The following MYO18B variants were observed in gnomAD, a reference collection of about 807,000 sequenced individuals.
MYO18B encodes myosin XVIIIB.
MYO18B carries 204 observed loss-of-function variants against 273.0 expected under a neutral mutation model. The ratio of observed to expected loss-of-function variants is 0.75; its 90% confidence interval spans 0.67 to 0.84. The LOEUF is 0.84. Among genes scored for constraint, MYO18B ranks in the 40% least tolerant of loss-of-function variants. MYO18B has a pLI of 0.00. For missense variants in MYO18B, 3,212 were observed against 3,287.6 expected, an observed-to-expected ratio of 0.98 and a Z score of 0.56; for synonymous variants, 1,330 against 1,305.7, an observed-to-expected ratio of 1.02 and a Z score of -0.40.
chr22:25,985,086 C>T (rs1420766912), intron 39 of MYO18B, among the ~76,000 whole-genome samples: 1 of 152,172 alleles, frequency 6.6e-6, no homozygotes, highest in East Asian at 1.9e-4. Context: ...TGATGAGTCT[C>T]TCTGTGTCTG....
intron 34 of MYO18B, among the ~76,000 whole-genome samples, chr22:25,937,177 G>T (rs1156364279): frequency 6.6e-6 from 1 of 151,846 alleles, no homozygotes; most frequent in Non-Finnish European, 1.5e-5. Context: ...TCTGCTTCCT[G>T]GGTTCAAGCA....
chr22:25,902,675 A>G lies in MYO18B; in HGVS notation c.4886A>G (p.Lys1629Arg). 1 of 1,599,080 alleles carries G rather than the reference A, an allele frequency of 6.3e-7. No individual in the cohort carries two copies. The highest frequency in any genetic ancestry group is 1.1e-5 in the South Asian group (1 of 87,938). ...GTGTTTGAGAAGGGTCTCCGTGAGAAAGTGACCCAGGAGAACACCAGTGTC... is the reference window on the plus strand; with the variant it reads ...GTGTTTGAGAAGGGTCTCCGTGAGAGAGTGACCCAGGAGAACACCAGTGTC... ...ESVFEKGLRE[K>R]VTQENTSVRW... The change falls in exon 30 of 44, where the codon AAA (lysine) becomes AGA (arginine). Residue 1629 changes from lysine to arginine, a missense_variant. Coordinates refer to ENST00000335473, the MANE Select transcript of MYO18B (RefSeq NM_032608.7).
At chr22:25,892,367 C>G (rs537602235) in intron 27 of MYO18B, 1 of 152,166 alleles carries the variant, frequency 6.6e-6, no homozygotes, top group Non-Finnish European at 1.5e-5. Flanking sequence ...CGAGAGGACT[C>G]TTGGTTTTAC....
intron 21 of MYO18B, among the ~76,000 whole-genome samples, chr22:25,859,405 A>G (rs1339478118): frequency 6.6e-6 from 1 of 152,186 alleles, no homozygotes; most frequent in African/African-American, 2.4e-5. Flanking sequence ...GCTAGTTTAT[A>G]TGGTAAATTT....
chr22:25,760,038 C>T (rs1398399697), intron 1 of MYO18B, among the ~76,000 whole-genome samples: 1 of 152,164 alleles, frequency 6.6e-6, no homozygotes, highest in African/African-American at 2.4e-5. Context: ...CTACAGTTTC[C>T]TGCCCTTACC....
chr22:25,988,094 C>A (rs796992789), intron 39 of MYO18B, among the ~76,000 whole-genome samples: 18 of 152,020 alleles, frequency 1.2e-4, no homozygotes, highest in African/African-American at 4.1e-4. Flanking sequence ...CAGATGCTGT[C>A]GTTGCCTCCC....
chr22:25,747,401 C>T (rs1325748764), intron 1 of MYO18B, among the ~76,000 whole-genome samples: 1 of 152,318 alleles, frequency 6.6e-6, no homozygotes, highest in Admixed American at 6.5e-5. Flanking sequence ...CTGGGCAGCC[C>T]CCAACTACAG....
chr22:25,823,761 T>C (rs2089379572), intron 13 of MYO18B, 83 bp downstream of exon 13: 3 of 1,452,558 alleles, frequency 2.1e-6, no homozygotes, highest in African/African-American at 1.4e-5. Context: ...TTTAACTTTT[T>C]TATCAAAGAT....
chr22:25,788,414 A>T (rs922182850), intron 11 of MYO18B, among the ~76,000 whole-genome samples: 1 of 152,168 alleles, frequency 6.6e-6, no homozygotes, highest in South Asian at 2.1e-4. Flanking sequence ...TTTCAGATAA[A>T]CATTGAATAA....
chr22:25,941,965 A>C (rs1052071323), intron 34 of MYO18B, among the ~76,000 whole-genome samples: 4 of 152,220 alleles, frequency 2.6e-5, no homozygotes, highest in African/African-American at 9.6e-5. Flanking sequence ...CTTTCTCTCT[A>C]AAATGGAGTT....
At chr22:26,059,384 AC>A in the MYO18B span, among the ~76,000 whole-genome samples, 9 of 152,202 alleles carry the variant, frequency 5.9e-5, no homozygotes, top group Non-Finnish European at 8.8e-5. Flanking sequence ...GAACAGCCCA[AC>A]TCCAGGGTGG....
chr22:25,912,959 C>G (rs1433658728), intron 33 of MYO18B, among the ~76,000 whole-genome samples: 1 of 152,202 alleles, frequency 6.6e-6, no homozygotes, highest in Admixed American at 6.5e-5. Context: ...TAATTCATTT[C>G]ATTTCTACAC....
intron 23 of MYO18B, 90 bp downstream of exon 23, chr22:25,874,504 C>G (rs2091138661): frequency 6.7e-7 from 1 of 1,495,694 alleles, no homozygotes; most frequent in East Asian, 2.5e-5. Flanking sequence ...TACCGGTGCA[C>G]CGGGTCCAAG....
chr22:25,814,935 G>A lies in MYO18B; in HGVS notation c.2522-8570G>A, dbSNP rs140760923. 6.9e-4 allele frequency among the ~76,000 whole-genome samples: 105 copies of A among 152,350 alleles called. 2 individuals carry two copies. The highest frequency in any genetic ancestry group is 2.5e-3 in the African/African-American group (102 of 41,574). ...TACCTAAGGTCATGGACATAGGGAG[G>A]GGAAGAGCCCAATCTGGGACCAAGA... On this transcript the variant is annotated intron_variant, in intron 12 of 43. Coordinates refer to ENST00000335473, the MANE Select transcript of MYO18B (RefSeq NM_032608.7).
At chr22:25,827,107 A>G (rs1377258308) in intron 14 of MYO18B, among the ~76,000 whole-genome samples, 1 of 152,210 alleles carries the variant, frequency 6.6e-6, no homozygotes, top group Non-Finnish European at 1.5e-5. Flanking sequence ...GATTGTAAAA[A>G]TGCCAATAAT....
chr22:25,768,812 C>T lies in MYO18B; in HGVS notation c.896C>T (p.Ser299Phe), dbSNP rs540400253. The change falls in exon 4 of 44, where the codon TCT becomes TTT. Residue 299 changes from serine to phenylalanine, a missense_variant. Coordinates refer to ENST00000335473, the MANE Select transcript of MYO18B (RefSeq NM_032608.7). The stretch of plus-strand genomic sequence containing the variant: ...AACACGGTGGAAAAGGGGAATGTCT[C>T]TAAGGACGTAGGGAGTGAAGGGAAG... ...PTNTVEKGNV[S>F]KDVGSEGKHV... 6.2e-7 allele frequency: 1 copy of T among 1,610,666 alleles called. No individual in the cohort carries two copies.
chr22:25,990,660 C>T (rs576134883), intron 39 of MYO18B, among the ~76,000 whole-genome samples: 198 of 112,996 alleles, frequency 1.8e-3, no homozygotes, highest in African/African-American at 6.2e-3. Flanking sequence ...GCACTCCAGG[C>T]TGTGCAACAG....
At chr22:25,925,984 T>A (rs1031364678) in intron 34 of MYO18B, among the ~76,000 whole-genome samples, 1 of 145,390 alleles carries the variant, frequency 6.9e-6, no homozygotes, top group South Asian at 2.2e-4. Flanking sequence ...GGAGGGTGGA[T>A]CACAAGGTCA....
At chr22:25,917,904 T>C (rs1457357745) in intron 33 of MYO18B, among the ~76,000 whole-genome samples, 1 of 152,198 alleles carries the variant, frequency 6.6e-6, no homozygotes, top group Non-Finnish European at 1.5e-5. Flanking sequence ...ACATTAATTT[T>C]CACAGTAATG....
Sources: gnomAD v4.1 joint callset for allele counts (sites outside exome capture counted in the v4.1 genomes callset) on GRCh38, gnomAD v4.1.1 for gene constraint, MANE v1.5 for transcripts, NCBI Gene and HGNC (gene_info 2026-07-23, HGNC 2026-07-21) for gene names.